The following FAM53A variants were observed in gnomAD, a reference collection of about 807,000 sequenced individuals.
FAM53A encodes family with sequence similarity 53 member A.
FAM53A carries 28 observed loss-of-function variants against 26.6 expected under a neutral mutation model. That is an observed-to-expected ratio of 1.05 (90% confidence interval 0.78 to 1.45). The LOEUF (loss-of-function observed/expected upper bound fraction) is 1.45. Among genes scored for constraint, FAM53A ranks in the 40% most tolerant of loss-of-function variants. FAM53A has a pLI of 0.00. For synonymous variants in FAM53A, 290 were observed against 253.1 expected, an observed-to-expected ratio of 1.15 and a Z score of -1.38; for missense variants, 650 against 575.8, an observed-to-expected ratio of 1.13 and a Z score of -1.32.
intron 1 of FAM53A, among the ~76,000 whole-genome samples, chr4:1,677,730 G>A (rs976451539): frequency 7.9e-5 from 12 of 152,192 alleles, no homozygotes; most frequent in African/African-American, 9.6e-5. Context: ...CAGATGGCAA[G>A]AGAACTCACC....
Position 1,640,950 on chromosome 4 carries a change from C to A in FAM53A, c.*343G>T. 1 of 416,136 alleles carries A rather than the reference C, an allele frequency of 2.4e-6. No individual in the cohort carries two copies. Among genetic ancestry groups the A allele is most frequent in the Non-Finnish European group, 4.5e-6 (1 of 224,358 alleles). 25.8% of individuals were successfully genotyped at this position (416,136 alleles called of 1,614,324 possible). A position where few individuals can be genotyped will look rare whatever the true frequency, so the allele number is the denominator to read the frequency against. ...ACCTAGTCTGTGCCCCAGGGCAGTG[C>A]AGGCGGCAGCCGTGGCCCCGACCAG... On this transcript the variant is annotated 3_prime_UTR_variant, in exon 5 of 5. Transcript: ENST00000308132.
the FAM53A span, among the ~76,000 whole-genome samples, chr4:1,584,214 A>T: frequency 6.6e-6 from 1 of 152,158 alleles, no homozygotes; most frequent in South Asian, 2.1e-4. Flanking sequence ...TCATCTTATG[A>T]TTTGTTCTTT....
intron 1 of FAM53A, among the ~76,000 whole-genome samples, chr4:1,628,938 C>T (rs1715484953): frequency 6.6e-6 from 1 of 151,962 alleles, no homozygotes; most frequent in Admixed American, 6.5e-5. Context: ...CTTGGAACAC[C>T]TGAGTTTGAG....
In FAM53A at chr4:1,683,886, T is replaced by A. The variant is rs909705430; in HGVS notation, c.-165+347A>T. 6.4e-4 allele frequency: 98 copies of A among 152,162 alleles called. 1 individual carries two copies. Among genetic ancestry groups the A allele is most frequent in the African/African-American group, 2.4e-3 (98 of 41,422 alleles). 9.4% of individuals were successfully genotyped at this position (152,162 alleles called of 1,614,324 possible). A position where few individuals can be genotyped will look rare whatever the true frequency, so the allele number is the denominator to read the frequency against. On this transcript the variant is annotated intron_variant, in intron 1 of 4. Transcript: ENST00000308132. ...GCTTCGGAATCCGCCGCAAGTCCCC[T>A]CCTCGGGTCGCCGGGGAAGTCTGGC...
chr4:1,654,829 C>T, intron 4 of FAM53A, 149 bp downstream of exon 4: 2 of 1,145,482 alleles, frequency 1.7e-6, no homozygotes, highest in Non-Finnish European at 1.2e-6. Flanking sequence ...CCACGCACTC[C>T]AGATGGCTCT....
rs996509355 is a variant in FAM53A, at chr4:1,630,291, C to G, written c.432-12180G>C. Reference sequence around the variant, plus strand: ...TCTGAGCTGCCCGTGACCAGGGGGTCAGAGCCCACCTTGGTGTTGTGGCCC... The same window carrying G: ...TCTGAGCTGCCCGTGACCAGGGGGTGAGAGCCCACCTTGGTGTTGTGGCCC... On this transcript the variant is annotated intron_variant, in intron 1 of 1. Coordinates refer to the FAM53A transcript ENST00000489029. This position sits in a 1 kb window ranked among gnomAD's most constrained non-coding sequence, Gnocchi z 4.3. Among the ~76,000 whole-genome samples, 16 of 152,242 alleles carry G rather than the reference C, an allele frequency of 1.1e-4. No homozygotes were observed. The highest frequency in any genetic ancestry group is 1.2e-4 in the Non-Finnish European group (8 of 68,050).
the FAM53A span, among the ~76,000 whole-genome samples, chr4:1,581,976 C>G: frequency 1.3e-5 from 2 of 152,044 alleles, no homozygotes; most frequent in Admixed American, 6.6e-5. Context: ...GCAGCCTCCT[C>G]CAACTCCTGA....
At chr4:1,614,428 T>G (rs1577076871), downstream of FAM53A, among the ~76,000 whole-genome samples, 3 of 92,598 alleles carry the variant, frequency 3.2e-5, no homozygotes, top group African/African-American at 4.6e-5. Context: ...TGCAGAGACG[T>G]GAGGGGGATG....
the FAM53A span, among the ~76,000 whole-genome samples, chr4:1,575,806 AT>A: frequency 2.0e-4 from 31 of 152,236 alleles, no homozygotes; most frequent in Admixed American, 2.0e-3. Flanking sequence ...TGGGAGAGCC[AT>A]CATTCTTGGA....
At chr4:1,624,474 G>A (rs949349067) in intron 1 of FAM53A, among the ~76,000 whole-genome samples, 1 of 152,162 alleles carries the variant, frequency 6.6e-6, no homozygotes, top group East Asian at 1.9e-4. Flanking sequence ...GGAGTGAGAC[G>A]GAGAAAGGAA....
intron 4 of FAM53A, among the ~76,000 whole-genome samples, chr4:1,651,229 A>G (rs1712754042): frequency 6.7e-6 from 1 of 148,806 alleles, no homozygotes; most frequent in African/African-American, 2.5e-5. Context: ...TCTCGAAAAA[A>G]AAAAAAAAAA....
rs1206942481 is a variant in FAM53A, at chr4:1,630,288, G to A, written c.432-12177C>T. Among the ~76,000 whole-genome samples, 3 of 152,218 alleles carry A rather than the reference G, an allele frequency of 2.0e-5. No individual in the cohort carries two copies. Among genetic ancestry groups the A allele is most frequent in the East Asian group, 3.9e-4 (2 of 5,190 alleles). On this transcript the variant is annotated intron_variant, in intron 1 of 1. Coordinates refer to the FAM53A transcript ENST00000489029. This position sits in a 1 kb window ranked among gnomAD's most constrained non-coding sequence, Gnocchi z 4.3. The stretch of plus-strand genomic sequence containing the variant: ...TCCTCTGAGCTGCCCGTGACCAGGG[G>A]GTCAGAGCCCACCTTGGTGTTGTGG...
intron 1 of FAM53A, among the ~76,000 whole-genome samples, chr4:1,679,748 C>T (rs1715285507): frequency 6.7e-6 from 1 of 149,730 alleles, no homozygotes. Flanking sequence ...AAGACTTTCA[C>T]AGACCCCTCA....
the FAM53A span, among the ~76,000 whole-genome samples, chr4:1,592,967 G>A: frequency 6.6e-6 from 1 of 152,056 alleles, no homozygotes; most frequent in African/African-American, 2.4e-5. Context: ...CTATGGCAAC[G>A]GAACCGGCCC....
At position 1,680,319 on chromosome 4, in the gene FAM53A, C is replaced by CAAAAAA. The variant is rs143458191; in HGVS notation, c.-165+3908_-165+3913dup. ...GGGCAACGAGAGTGAAACTCCGTCT[C>CAAAAAA]AAAAAAAAAAAAAAAAAAAAAAAAA... On this transcript the variant is annotated intron_variant, in intron 1 of 4. Transcript: ENST00000308132. 2.7e-4 allele frequency among the ~76,000 whole-genome samples: 22 copies of CAAAAAA among 82,686 alleles called. 6 individuals are homozygous for CAAAAAA. The highest frequency in any genetic ancestry group is 1.3e-3 in the East Asian group (2 of 1,516). 54.2% of individuals were successfully genotyped at this position (82,686 alleles called of 152,430 possible). A position where few individuals can be genotyped will look rare whatever the true frequency, so the allele number is the denominator to read the frequency against.
the FAM53A span, among the ~76,000 whole-genome samples, chr4:1,608,429 G>A: frequency 5.9e-5 from 9 of 152,296 alleles, no homozygotes; most frequent in South Asian, 2.1e-4. Flanking sequence ...CCATGCTCAC[G>A]GGCCCCTCCC....
chr4:1,655,722 G>A lies in FAM53A; in HGVS notation c.138C>T (p.Asp46=), dbSNP rs1713320467. 5 of 1,555,700 alleles carry A rather than the reference G, an allele frequency of 3.2e-6. No individual in the cohort carries two copies. The highest frequency in any genetic ancestry group is 3.8e-5 in the Admixed American group (2 of 52,002). Residue 46 remains aspartate (D), a splice_region_variant and synonymous_variant, in exon 4 of 5, where the codon GAC becomes GAT. Coordinates refer to ENST00000308132, the MANE Select transcript of FAM53A (RefSeq NM_001174070.3). ...SGRLFPLELN[D]QSPWKVFSGG... is the part of the protein sequence containing the mutation. ...CACTGAAGACCTTCCAGGGACTCTG[G>A]TCTACAAAAAAAGACACAAAGAGGC...
chr4:1,672,182 G>A (rs940711266), intron 1 of FAM53A, among the ~76,000 whole-genome samples: 27 of 10,490 alleles, frequency 2.6e-3, no homozygotes, highest in African/African-American at 3.1e-3. Context: ...AAGAACCCAC[G>A]GACCCACGGA....
intron 1 of FAM53A, among the ~76,000 whole-genome samples, chr4:1,680,809 C>T (rs946237435): frequency 6.6e-6 from 1 of 151,826 alleles, no homozygotes; most frequent in Non-Finnish European, 1.5e-5. Flanking sequence ...AAAAAAAAAC[C>T]GTGGCTGCCA....
Sources: gnomAD v4.1 joint callset for allele counts (sites outside exome capture counted in the v4.1 genomes callset) on GRCh38, gnomAD v4.1.1 for gene constraint, Gnocchi (gnomAD v3.1) non-coding constraint, MANE v1.5 for transcripts, NCBI Gene and HGNC (gene_info 2026-07-23, HGNC 2026-07-21) for gene names.